The following MLYCD variants were observed in gnomAD, a reference collection of about 807,000 sequenced individuals.
MLYCD encodes malonyl-CoA decarboxylase, mitochondrial.
A neutral mutation model predicts 35.8 loss-of-function variants in MLYCD; 27 were observed. The ratio of observed to expected loss-of-function variants is 0.75; its 90% CI spans 0.56 to 1.04. MLYCD has a LOEUF of 1.04. Among genes scored for constraint, MLYCD ranks in the 50% least tolerant of loss-of-function variants. The pLI is 0.00. For missense variants in MLYCD, 917 were observed against 665.1 expected (o/e 1.38, Z -4.17); for synonymous variants, 403 against 302.4 (o/e 1.33, Z -3.45).
At chr16:83,900,591 T>C (rs1451429992) in intron 1 of MLYCD, among the ~76,000 whole-genome samples, 1 of 149,434 alleles carries the variant, frequency 6.7e-6, no homozygotes, top group African/African-American at 2.5e-5. Flanking sequence ...AATTTTTTTT[T>C]TTTTTTTTTT....
rs1253193688 is a variant in MLYCD, at chr16:83,899,199, C to T, written c.55C>T (p.Pro19Ser). The change falls in exon 1 of 5, where the codon CCC becomes TCC. Residue 19 changes from proline to serine, a missense_variant. Coordinates refer to ENST00000262430, the MANE Select transcript of MLYCD (RefSeq NM_012213.3). ...TARRLLPLRL[P>S]PRPPGPRLAS... ...CAGGCGTCTCCTCCCGCTGCGGTTG[C>T]CCCCGCGGCCGCCCGGGCCCCGGCT... 1.2e-5 allele frequency: 14 copies of T among 1,178,112 alleles called. No homozygotes were observed. In the East Asian group the frequency reaches 2.7e-4, roughly 23 times the overall value. 73.0% of individuals were successfully genotyped at this position (1,178,112 alleles called of 1,614,324 possible).
Position 83,899,531 on chromosome 16 carries a change from G to A in MLYCD, c.387G>A (p.Leu129=), listed in dbSNP as rs771431462. 1 of 1,590,756 alleles carries A rather than the reference G, an allele frequency of 6.3e-7. No homozygotes were observed. Among genetic ancestry groups the A allele is most frequent in the East Asian group, 2.3e-5 (1 of 44,152 alleles). ...AAVLLQAEDR[L]RYALVPRYRG... ...TGCTGCTGCAGGCCGAGGACCGGCT[G>A]CGCTACGCGCTGGTGCCGCGCTATC... Residue 129 remains leucine (L), a synonymous_variant, in exon 1 of 5, where the codon CTG becomes CTA. Coordinates refer to ENST00000262430, the MANE Select transcript of MLYCD (RefSeq NM_012213.3).
At chr16:83,899,902 G>A (rs577273245) in intron 1 of MLYCD, among the ~76,000 whole-genome samples, 16 of 152,240 alleles carry the variant, frequency 1.1e-4, no homozygotes, top group Non-Finnish European at 1.8e-4. Context: ...GTCCTCACTT[G>A]TATAGTGTTT....
rs972695855 is a variant in MLYCD at position 83,922,728 on chromosome 16, G to A, written c.*7239G>A. 3 of 152,250 alleles carry A rather than the reference G, an allele frequency of 2.0e-5. No homozygotes were observed. The highest frequency in any genetic ancestry group is 2.0e-4 in the Admixed American group (3 of 15,286). 9.4% of individuals were successfully genotyped at this position (152,250 alleles called of 1,614,324 possible). ...AAGCAGAGCAGTCCCTGTCATGATG[G>A]GCGTTTCTACATCTGGACCTGGGCG... On this transcript the variant is annotated 3_prime_UTR_variant, in exon 5 of 5. Coordinates refer to ENST00000262430, the MANE Select transcript of MLYCD (RefSeq NM_012213.3).
chr16:83,899,173 C>G lies in MLYCD; in HGVS notation c.29C>G (p.Ala10Gly), dbSNP rs1906681106. The G allele has an allele frequency of 6.0e-6, 7 of 1,165,654 alleles. No individual in the cohort carries two copies. Among genetic ancestry groups the G allele is most frequent in the African/African-American group, 1.6e-5 (1 of 61,052 alleles). 72.2% of individuals were successfully genotyped at this position (1,165,654 alleles called of 1,614,324 possible). A position where few individuals can be genotyped will look rare whatever the true frequency, so the allele number is the denominator to read the frequency against. Residue 10 changes from alanine to glycine, a missense_variant, in exon 1 of 5, where the codon GCC becomes GGC. Coordinates refer to ENST00000262430, the MANE Select transcript of MLYCD (RefSeq NM_012213.3). The part of the protein sequence containing the change: MRGFGPGLT[A>G]RRLLPLRLPP... ...CGAGGCTTCGGGCCAGGCTTGACGG[C>G]CAGGCGTCTCCTCCCGCTGCGGTTG...
rs756080912 is a variant in MLYCD, at chr16:83,919,540, T to C, written c.*4051T>C. 1 of 143,246 alleles carries C rather than the reference T, an allele frequency of 7.0e-6. No homozygotes were observed. The highest frequency in any genetic ancestry group is 2.7e-5 in the African/African-American group (1 of 37,114). The allele number at this position is 143,246 out of a possible 1,614,324, so 8.9% of individuals were successfully genotyped here. A position where few individuals can be genotyped will look rare whatever the true frequency, so the allele number is the denominator to read the frequency against. On this transcript the variant is annotated 3_prime_UTR_variant, in exon 5 of 5. Transcript: ENST00000262430. ...ACACAGGGCACAGGAGAACACACAG[T>C]GCACAGGAGAACACTGCACAGAACA...
chr16:83,913,476 A>G (rs1040818283), intron 4 of MLYCD: 2 of 152,248 alleles, frequency 1.3e-5, no homozygotes, highest in African/African-American at 4.8e-5. Context: ...GAAGTCCTCA[A>G]AGGGAGTCTG....
intron 3 of MLYCD, 160 bp from the exon 4 acceptor site, chr16:83,912,058 C>A: frequency 9.9e-7 from 1 of 1,007,592 alleles, no homozygotes; most frequent in Non-Finnish European, 1.5e-6. Flanking sequence ...CAAAACAGAG[C>A]AGCTTTTAGG....
In MLYCD at chr16:83,915,867, G is replaced by A; in HGVS notation, c.*378G>A. 2.5e-6 allele frequency: 3 copies of A among 1,182,472 alleles called. No individual in the cohort carries two copies. The South Asian group carries it at 5.6e-5, about 22-fold the overall frequency. 73.2% of individuals were successfully genotyped at this position (1,182,472 alleles called of 1,614,324 possible). ...ATCTGGCATCCTCCTAAGGACCGGGGCGCGTGGCCCAGATAAGAATAGGTG... is the reference window on the plus strand; with the variant it reads ...ATCTGGCATCCTCCTAAGGACCGGGACGCGTGGCCCAGATAAGAATAGGTG... On this transcript the variant is annotated 3_prime_UTR_variant, in exon 5 of 5. Transcript: ENST00000262430.
rs1216183359 is a variant in MLYCD, at chr16:83,919,012, A to G, written c.*3523A>G. 6.7e-6 allele frequency: 1 copy of G among 148,796 alleles called. No individual in the cohort carries two copies. Among genetic ancestry groups the G allele is most frequent in the Non-Finnish European group, 1.5e-5 (1 of 67,612 alleles). 9.2% of individuals were successfully genotyped at this position (148,796 alleles called of 1,614,324 possible). On this transcript the variant is annotated 3_prime_UTR_variant, in exon 5 of 5. Transcript: ENST00000262430. ...CCACACAATGTACAGGAGAATACGC[A>G]CACACAGTGCACAGGAGAACATACA...
rs1177520551 is a variant in MLYCD at position 83,899,682 on chromosome 16, C to T, written c.528+10C>T. 15 of 1,510,308 alleles carry T rather than the reference C, an allele frequency of 9.9e-6. No individual in the cohort carries two copies. Among genetic ancestry groups the T allele is most frequent in the Middle Eastern group, 4.4e-4 (2 of 4,514 alleles). 93.6% of individuals were successfully genotyped at this position (1,510,308 alleles called of 1,614,324 possible). Reference sequence around the variant, plus strand: ...GGGGCCGGACGTCCGGGTAAGGGGCCGCCGTCGATCCCCCGGCAGCGCGGA... The same window carrying T: ...GGGGCCGGACGTCCGGGTAAGGGGCTGCCGTCGATCCCCCGGCAGCGCGGA... On this transcript the variant is annotated intron_variant, in intron 1 of 4. Coordinates refer to ENST00000262430, the MANE Select transcript of MLYCD (RefSeq NM_012213.3).
In MLYCD at chr16:83,914,998, A is replaced by G. The variant is rs1353409595; in HGVS notation, c.991A>G (p.Ile331Val). The change falls in exon 5 of 5, where the codon ATA becomes GTA. Residue 331 changes from isoleucine to valine, a missense_variant. Ile to Val is a conservative substitution (Grantham distance 29). Coordinates refer to ENST00000262430, the MANE Select transcript of MLYCD (RefSeq NM_012213.3). ...HLGVFSSLSP[I>V]PGFTKWLLGL... ...TGGGGTGTTTTCAAGTCTGTCACCT[A>G]TACCTGGTTTCACCAAATGGCTTCT... 6.2e-7 allele frequency: 1 copy of G among 1,614,210 alleles called. No homozygotes were observed. The highest frequency in any genetic ancestry group is 8.5e-7 in the Non-Finnish European group (1 of 1,180,042).
Position 83,908,393 on chromosome 16 carries a change from TA to T in MLYCD, c.798+114del, listed in dbSNP as rs1490571630. On this transcript the variant is annotated intron_variant, in intron 3 of 4. Coordinates refer to ENST00000262430, the MANE Select transcript of MLYCD (RefSeq NM_012213.3). ...TATCCTCCTTTTTTTTTTTTTTAAATAAATGGTTTTGGGCTTTTTTAAATTG... is the reference window on the plus strand; with the variant it reads ...TATCCTCCTTTTTTTTTTTTTTAAATAATGGTTTTGGGCTTTTTTAAATTG... The T allele has an allele frequency of 4.5e-6, 6 of 1,324,478 alleles. No homozygotes were observed. The East Asian group carries it at 1.5e-4, about 33-fold the overall frequency. The allele number at this position is 1,324,478 out of a possible 1,614,324, so 82.0% of individuals were successfully genotyped here. A position where few individuals can be genotyped will look rare whatever the true frequency, so the allele number is the denominator to read the frequency against.
Position 83,899,519 on chromosome 16 carries a change from C to A in MLYCD, c.375C>A (p.Ala125=). ...QQREAAVLLQ[A]EDRLRYALVP... ...GGGAGGCGGCGGTGCTGCTGCAGGC[C>A]GAGGACCGGCTGCGCTACGCGCTGG... The change falls in exon 1 of 5, where the codon GCC becomes GCA. Residue 125 remains alanine (A), a synonymous_variant. Coordinates refer to ENST00000262430, the MANE Select transcript of MLYCD (RefSeq NM_012213.3). 6.3e-7 allele frequency: 1 copy of A among 1,588,762 alleles called. No homozygotes were observed. Among genetic ancestry groups the A allele is most frequent in the Non-Finnish European group, 8.5e-7 (1 of 1,176,110 alleles).
Position 83,918,762 on chromosome 16 carries a change from CAG to C in MLYCD, c.*3274_*3275del, listed in dbSNP as rs1555539940. 6.9e-6 allele frequency: 1 copy of C among 145,228 alleles called. No individual in the cohort carries two copies. Among genetic ancestry groups the C allele is most frequent in the Non-Finnish European group, 1.5e-5 (1 of 66,668 alleles). The allele number at this position is 145,228 out of a possible 1,614,324, so 9.0% of individuals were successfully genotyped here. ...CACAGTGCACAGGAGAACACGCACA[CAG>C]TGCACAGAGAACCACACAGTGCACA... On this transcript the variant is annotated 3_prime_UTR_variant, in exon 5 of 5. Coordinates refer to ENST00000262430, the MANE Select transcript of MLYCD (RefSeq NM_012213.3).
rs1204986995 is a variant in MLYCD at position 83,917,613 on chromosome 16, A to G, written c.*2124A>G. ...CTCTTGTTCTCCGGGCTGATTCTGAAAGAGTGGCTTGCAGGCCAATCAATG... is the reference window on the plus strand; with the variant it reads ...CTCTTGTTCTCCGGGCTGATTCTGAGAGAGTGGCTTGCAGGCCAATCAATG... On this transcript the variant is annotated 3_prime_UTR_variant, in exon 5 of 5. Transcript: ENST00000262430. 1 of 152,220 alleles carries G rather than the reference A, an allele frequency of 6.6e-6. No homozygotes were observed. The highest frequency in any genetic ancestry group is 1.5e-5 in the Non-Finnish European group (1 of 68,038). 9.4% of individuals were successfully genotyped at this position (152,220 alleles called of 1,614,324 possible). A position where few individuals can be genotyped will look rare whatever the true frequency, so the allele number is the denominator to read the frequency against.
chr16:83,911,986 G>A, intron 3 of MLYCD: 2 of 563,954 alleles, frequency 3.5e-6, no homozygotes, highest in Non-Finnish European at 6.3e-6. Context: ...AAAATTTCAA[G>A]AAACGATGCA....
chr16:83,912,087 A>G (rs528887208), intron 3 of MLYCD, 131 bp from the exon 4 acceptor site: 5 of 1,332,632 alleles, frequency 3.8e-6, no homozygotes, highest in South Asian at 1.2e-5. Flanking sequence ...CCTGAACCCC[A>G]GCTGGGGAGC....
chr16:83,918,125 C>T lies in MLYCD; in HGVS notation c.*2636C>T, dbSNP rs1567638795. 1 of 152,266 alleles carries T rather than the reference C, an allele frequency of 6.6e-6. No individual in the cohort carries two copies. Among genetic ancestry groups the T allele is most frequent in the Non-Finnish European group, 1.5e-5 (1 of 68,050 alleles). 9.4% of individuals were successfully genotyped at this position (152,266 alleles called of 1,614,324 possible). ...GAGCCCTCCCTCCAGCAAGGCGGCT[C>T]ATCACATCACGTTACTCTTTAGGTC... On this transcript the variant is annotated 3_prime_UTR_variant, in exon 5 of 5. Transcript: ENST00000262430.
Sources: allele counts gnomAD v4.1 joint callset (sites outside exome capture counted in the v4.1 genomes callset), GRCh38; gene constraint gnomAD v4.1.1; transcripts MANE v1.5; gene names NCBI Gene and HGNC (gene_info 2026-07-23, HGNC 2026-07-21).